Variants in RALYL observed in about 807,000 individuals in gnomAD.
RALYL encodes RNA-binding Raly-like protein.
Under a neutral mutation model 35.1 loss-of-function variants are expected in RALYL, and 29 were observed. The ratio of observed to expected loss-of-function variants is 0.83; its 90% CI spans 0.61 to 1.13. RALYL has a LOEUF of 1.13. Among genes scored for constraint, RALYL ranks in the 50% most tolerant of loss-of-function variants. The pLI is 0.00. For missense variants in RALYL, 359 were observed against 360.4 expected (o/e 1.00, Z 0.03); for synonymous variants, 120 against 127.6 (o/e 0.94, Z 0.40).
chr8:84,678,512 C>T (rs1366977727), intron 2 of RALYL, among the ~76,000 whole-genome samples: 2 of 152,042 alleles, frequency 1.3e-5, no homozygotes. Flanking sequence ...AATGATCCAC[C>T]CACCTCGGCC....
At chr8:84,272,870 C>G (rs1834599645) in intron 1 of RALYL, among the ~76,000 whole-genome samples, 2 of 152,102 alleles carry the variant, frequency 1.3e-5, no homozygotes, top group Admixed American at 1.3e-4. Context: ...CATTCCACAG[C>G]AAGGATAGTG....
intron 4 of RALYL, among the ~76,000 whole-genome samples, chr8:84,826,991 CT>C (rs1230607794): frequency 6.6e-6 from 1 of 151,794 alleles, no homozygotes; most frequent in African/African-American, 2.4e-5. Flanking sequence ...ATTAATGCCC[CT>C]AGCAATAGGA....
chr8:84,840,111 G>T (rs1832887721), intron 4 of RALYL, among the ~76,000 whole-genome samples: 1 of 152,184 alleles, frequency 6.6e-6, no homozygotes, highest in Non-Finnish European at 1.5e-5. Flanking sequence ...GAACAAAGCT[G>T]GACAGGGAAT....
At chr8:84,426,803 A>G (rs1056672983) in intron 1 of RALYL, among the ~76,000 whole-genome samples, 1 of 152,172 alleles carries the variant, frequency 6.6e-6, no homozygotes, top group African/African-American at 2.4e-5. Flanking sequence ...AAGTCAAAAG[A>G]TAAGGAATGT....
At chr8:84,648,453 GTTGCTTTTCACTGCAAGGCTAGAATTAGT>G (rs977059330) in intron 2 of RALYL, among the ~76,000 whole-genome samples, 2 of 152,058 alleles carry the variant, frequency 1.3e-5, no homozygotes, top group Non-Finnish European at 2.9e-5. Context: ...GTGCCAGAGG[GTTGCTTTTCACTGCAAGGCTAGAATTAGT>G]TTGCTGAAGA....
intron 2 of RALYL, among the ~76,000 whole-genome samples, chr8:84,602,055 C>A (rs1471793636): frequency 6.6e-6 from 1 of 152,084 alleles, no homozygotes; most frequent in African/African-American, 2.4e-5. Context: ...TGCATACTCT[C>A]TCTTCGTGAC....
intron 4 of RALYL, among the ~76,000 whole-genome samples, chr8:84,808,891 C>T (rs1825282755): frequency 6.6e-6 from 1 of 152,250 alleles, no homozygotes; most frequent in East Asian, 1.9e-4. Context: ...TTTATCCATT[C>T]TAGGAGCTTT....
At chr8:84,495,875 A>C (rs2055950597) in intron 1 of RALYL, among the ~76,000 whole-genome samples, 1 of 152,150 alleles carries the variant, frequency 6.6e-6, no homozygotes, top group Admixed American at 6.6e-5. Context: ...AGTTGTTATT[A>C]GTATTTTGTA....
chr8:84,733,950 A>C (rs939454468), intron 2 of RALYL, among the ~76,000 whole-genome samples: 1 of 152,234 alleles, frequency 6.6e-6, no homozygotes, highest in African/African-American at 2.4e-5. Flanking sequence ...AGGCAGAAAG[A>C]ATACTTCCTA....
At chr8:84,847,519 A>G (rs1834919447) in intron 4 of RALYL, among the ~76,000 whole-genome samples, 1 of 152,012 alleles carries the variant, frequency 6.6e-6, no homozygotes, top group Non-Finnish European at 1.5e-5. Flanking sequence ...GGCTGCATCT[A>G]GTTAGCCCTC....
intron 2 of RALYL, among the ~76,000 whole-genome samples, chr8:84,750,519 G>A (rs1563515678): frequency 6.6e-6 from 1 of 152,068 alleles, no homozygotes; most frequent in South Asian, 2.1e-4. Context: ...ACCATGGTTT[G>A]AATATTTGCC....
intron 1 of RALYL, among the ~76,000 whole-genome samples, chr8:84,367,343 T>TTTTTG (rs1854653433): frequency 1.0e-5 from 1 of 99,666 alleles, no homozygotes; most frequent in Non-Finnish European, 2.1e-5. Context: ...TTTTTTTTTT[T>TTTTTG]TTTTTTTTTT....
At chr8:84,400,821 T>C (rs572314945) in intron 1 of RALYL, among the ~76,000 whole-genome samples, 1 of 152,232 alleles carries the variant, frequency 6.6e-6, no homozygotes, top group Non-Finnish European at 1.5e-5. Context: ...GAGATTTTCA[T>C]GTTCATGTGT....
At chr8:84,286,060 A>G (rs1026235858) in intron 1 of RALYL, among the ~76,000 whole-genome samples, 1 of 152,120 alleles carries the variant, frequency 6.6e-6, no homozygotes, top group African/African-American at 2.4e-5. Flanking sequence ...CAGATTGTAG[A>G]TACACATTGA....
At chr8:84,311,048 C>G (rs575405698) in intron 1 of RALYL, among the ~76,000 whole-genome samples, 703 of 30,390 alleles carry the variant, frequency 0.023, 11 homozygotes, top group Middle Eastern at 0.062. Context: ...AGCGAGACTC[C>G]GTCTCAAAAA....
At chr8:84,579,280 C>T (rs1399564257) in intron 2 of RALYL, among the ~76,000 whole-genome samples, 2 of 152,190 alleles carry the variant, frequency 1.3e-5, no homozygotes, top group African/African-American at 4.8e-5. Flanking sequence ...TCCGCCCACT[C>T]CCGGGCACCA....
At chr8:84,884,972 C>T (rs1842736405) in intron 7 of RALYL, among the ~76,000 whole-genome samples, 1 of 152,104 alleles carries the variant, frequency 6.6e-6, no homozygotes, top group Non-Finnish European at 1.5e-5. Flanking sequence ...ACCAGAGTAG[C>T]CACCTCCATT....
At chr8:84,215,186 C>A (rs1820500687) in intron 1 of RALYL, among the ~76,000 whole-genome samples, 1 of 151,924 alleles carries the variant, frequency 6.6e-6, no homozygotes, top group South Asian at 2.1e-4. Flanking sequence ...TCAAAAAGTT[C>A]AATACTACAA....
At chr8:84,522,134 T>A (rs2058505268) in intron 1 of RALYL, among the ~76,000 whole-genome samples, 1 of 152,158 alleles carries the variant, frequency 6.6e-6, no homozygotes, top group Non-Finnish European at 1.5e-5. Context: ...ATTTATAAAA[T>A]CTCTTACATT....
Sources: allele counts gnomAD v4.1 joint callset (sites outside exome capture counted in the v4.1 genomes callset), GRCh38; gene constraint gnomAD v4.1.1; transcripts MANE v1.5; gene names NCBI Gene and HGNC (gene_info 2026-07-23, HGNC 2026-07-21).